PIGN: variants seen among roughly 807,000 people sequenced by gnomAD.
The protein encoded by PIGN is GPI ethanolamine phosphate transferase 1.
Under a neutral mutation model 125.4 loss-of-function variants are expected in PIGN, and 117 were observed. The ratio of observed to expected loss-of-function variants is 0.93; its 90% confidence interval spans 0.80 to 1.09. The LOEUF (loss-of-function observed/expected upper bound fraction) is 1.09, where lower values mean the gene tolerates loss of function less well. Ranked by LOEUF, PIGN falls within the 50% of genes least tolerant of loss-of-function variation. The pLI, the probability that PIGN is intolerant of heterozygous loss-of-function variation, is 0.00. For missense variants in PIGN, 1,075 were observed against 1,094.9 expected (o/e 0.98, Z 0.26); for synonymous variants, 392 against 377.8 (o/e 1.04, Z -0.44).
At chr18:62,115,515 C>T (rs2035055444) in intron 14 of PIGN, among the ~76,000 whole-genome samples, 1 of 152,086 alleles carries the variant, frequency 6.6e-6, no homozygotes, top group Non-Finnish European at 1.5e-5. Flanking sequence ...GTTTCATAGG[C>T]CAAAAACTAC....
rs201814945 is a variant in PIGN, at chr18:62,063,311, T to C, written c.2672+9362A>G. On this transcript the variant is annotated intron_variant, in intron 30 of 30. Transcript: ENST00000640252. ...ATTTTAGCCAAAATCTATGGTTTTA[T>C]AGATTTTAGCCAAAATCTATGGTTT... Among the ~76,000 whole-genome samples, 42 of 131,218 alleles carry C rather than the reference T, an allele frequency of 3.2e-4. No homozygotes were observed. In the East Asian group the frequency reaches 4.7e-3, roughly 15 times the overall value. 86.1% of individuals were successfully genotyped at this position (131,218 alleles called of 152,430 possible).
chr18:62,112,996 C>A, intron 16 of PIGN, 138 bp downstream of exon 16: 3 of 621,646 alleles, frequency 4.8e-6, no homozygotes, highest in Non-Finnish European at 8.1e-6. Context: ...AGGAAAAATC[C>A]AATACAATAA....
intron 30 of PIGN, among the ~76,000 whole-genome samples, chr18:62,066,749 A>T (rs1370853075): frequency 6.6e-6 from 1 of 152,154 alleles, no homozygotes; most frequent in African/African-American, 2.4e-5. Context: ...GGAATGAGTT[A>T]ACTCCATTTG....
intron 30 of PIGN, 145 bp downstream of exon 30, chr18:62,072,528 C>T (rs2032938646): frequency 1.6e-6 from 1 of 618,738 alleles, no homozygotes; most frequent in East Asian, 2.8e-5. Flanking sequence ...TAGGCTGTAC[C>T]ATATCCTAGG....
At chr18:62,058,165 G>A (rs1008695664) in intron 30 of PIGN, among the ~76,000 whole-genome samples, 2 of 152,134 alleles carry the variant, frequency 1.3e-5, no homozygotes, top group Admixed American at 1.3e-4. Context: ...GGTTCTTTCT[G>A]TCTTCCTCAC....
rs148240022 is a variant in PIGN at position 62,096,084 on chromosome 18, C to A, written c.2078-134G>T. The A allele has an allele frequency of 3.8e-4, 190 of 498,092 alleles. 1 individual carries two copies. The highest frequency in any genetic ancestry group is 3.4e-3 in the African/African-American group (175 of 51,346). The allele number at this position is 498,092 out of a possible 1,614,324, so 30.9% of individuals were successfully genotyped here. ...CCGAGGTGGGCAGATCACCTGAGGTCAGGAGTTCGAGACCAGCCTTGCCAA... is the reference window on the plus strand; with the variant it reads ...CCGAGGTGGGCAGATCACCTGAGGTAAGGAGTTCGAGACCAGCCTTGCCAA... On this transcript the variant is annotated intron_variant, in intron 22 of 30. Transcript: ENST00000640252.
chr18:62,105,481 CAG>C (rs2034600040), intron 20 of PIGN, 60 bp downstream of exon 20: 1 of 897,102 alleles, frequency 1.1e-6, no homozygotes, highest in East Asian at 2.7e-5. Flanking sequence ...TCAAATTTTA[CAG>C]TGTTAATTGA....
chr18:62,167,201 C>A (rs1397999683), intron 1 of PIGN, among the ~76,000 whole-genome samples: 4 of 151,876 alleles, frequency 2.6e-5, no homozygotes, highest in African/African-American at 9.7e-5. Flanking sequence ...CTCTCTCTCT[C>A]TCTCTCTCTA....
intron 27 of PIGN, 84 bp from the exon 28 acceptor site, chr18:62,082,830 A>G (rs2033513642): frequency 1.4e-6 from 1 of 736,250 alleles, no homozygotes; most frequent in African/African-American, 1.8e-5. Context: ...TGCTTACAGA[A>G]ATATTTTCAA....
chr18:62,060,027 C>A (rs2032021127), intron 30 of PIGN, among the ~76,000 whole-genome samples: 1 of 152,186 alleles, frequency 6.6e-6, no homozygotes, highest in Non-Finnish European at 1.5e-5. Flanking sequence ...TTCCACAGAT[C>A]ACTCATTTCC....
chr18:62,082,064 A>T (rs1263048929), intron 28 of PIGN, among the ~76,000 whole-genome samples: 1 of 152,106 alleles, frequency 6.6e-6, no homozygotes, highest in Non-Finnish European at 1.5e-5. Flanking sequence ...TGTGCTGATG[A>T]GGCAATTTTA....
intron 17 of PIGN, 147 bp downstream of exon 17, chr18:62,109,687 A>G (rs2034796540): frequency 1.8e-6 from 1 of 570,066 alleles, no homozygotes; most frequent in Non-Finnish European, 3.0e-6. Context: ...TTATGCAGTT[A>G]TAAATGAAGT....
chr18:62,079,073 C>T (rs1016034230), intron 28 of PIGN, among the ~76,000 whole-genome samples: 8 of 152,244 alleles, frequency 5.3e-5, no homozygotes, highest in Admixed American at 2.0e-4. Flanking sequence ...GCACACTCTG[C>T]TTAAGGCTAC....
chr18:62,060,980 T>C (rs868684582), intron 30 of PIGN, among the ~76,000 whole-genome samples: 1 of 152,206 alleles, frequency 6.6e-6, no homozygotes, highest in Non-Finnish European at 1.5e-5. Context: ...TGAACAGTTT[T>C]ATGGCCTGGG....
At chr18:62,173,504 G>T (rs761166611) in intron 1 of PIGN, among the ~76,000 whole-genome samples, 1 of 152,130 alleles carries the variant, frequency 6.6e-6, no homozygotes, top group Non-Finnish European at 1.5e-5. Context: ...AAAGTGCTGG[G>T]ATTACATGTG....
chr18:62,064,157 C>A (rs2032368924), intron 30 of PIGN, among the ~76,000 whole-genome samples: 1 of 152,234 alleles, frequency 6.6e-6, no homozygotes, highest in African/African-American at 2.4e-5. Context: ...TTTCCTGTCA[C>A]TGAAGGCTTA....
chr18:62,164,416 A>G (rs1475340657), intron 1 of PIGN, among the ~76,000 whole-genome samples: 1 of 152,226 alleles, frequency 6.6e-6, no homozygotes, highest in Non-Finnish European at 1.5e-5. Flanking sequence ...AACAGGAAGC[A>G]TGACTGCGAG....
chr18:62,107,376 C>T, intron 17 of PIGN: 2 of 290,546 alleles, frequency 6.9e-6, no homozygotes, highest in Non-Finnish European at 1.3e-5. Flanking sequence ...GGGCGGATCA[C>T]CTGAGGTCAC....
Position 62,084,547 on chromosome 18 carries a change from G to T in PIGN, c.2486C>A (p.Ala829Asp), listed in dbSNP as rs375027313. Reference protein sequence around the residue: ...LTVFSPFMMGALMMWKILIPF... With the variant: ...LTVFSPFMMGDLMMWKILIPF... ...AAAACTAACCTTCCACATCATCAGGGCTCCCATCATAAAAGGACTGAACAC... is the reference window on the plus strand; with the variant it reads ...AAAACTAACCTTCCACATCATCAGGTCTCCCATCATAAAAGGACTGAACAC... Residue 829 changes from alanine (A) to aspartate (D), a missense_variant, in exon 27 of 31, where the codon GCC becomes GAC. Transcript: ENST00000640252. 2.6e-6 allele frequency: 4 copies of T among 1,551,194 alleles called. No individual in the cohort carries two copies. Among genetic ancestry groups the T allele is most frequent in the Non-Finnish European group, 3.5e-6 (4 of 1,144,274 alleles).
Sources: allele counts gnomAD v4.1 joint callset (sites outside exome capture counted in the v4.1 genomes callset), GRCh38; gene constraint gnomAD v4.1.1; transcripts MANE v1.5; gene names NCBI Gene and HGNC (gene_info 2026-07-23, HGNC 2026-07-21).